Variants in TRIP12 observed in about 807,000 individuals in gnomAD.
TRIP12 encodes thyroid hormone receptor interactor 12.
In TRIP12, 25 loss-of-function variants were observed where a neutral mutation model predicts 244.2. The observed-to-expected ratio is 0.10, with a 90% CI of 0.07 to 0.14. The LOEUF is 0.14. Ranked by LOEUF, TRIP12 falls within the 10% of genes least tolerant of loss-of-function variation. The probability of loss-of-function intolerance (pLI) is 1.00; values close to 1 mark genes in which losing one functional copy is unlikely to be tolerated. For missense variants in TRIP12, 1,677 were observed against 2,486.4 expected (o/e 0.67, Z 6.92); for synonymous variants, 905 against 873.1 (o/e 1.04, Z -0.64).
At chr2:229,798,014 A>G (rs1403338004) in intron 23 of TRIP12, among the ~76,000 whole-genome samples, 183 bp from the exon 24 acceptor site, 1 of 152,246 alleles carries the variant, frequency 6.6e-6, no homozygotes, top group Non-Finnish European at 1.5e-5. Flanking sequence ...TACCACCTGG[A>G]GAACTGTTTA....
At chr2:229,888,756 T>C (rs1468371500) in intron 1 of TRIP12, among the ~76,000 whole-genome samples, 3 of 152,044 alleles carry the variant, frequency 2.0e-5, no homozygotes, top group Non-Finnish European at 4.4e-5. Flanking sequence ...CGAGCCAAGA[T>C]TGCGCCACTG....
At chr2:229,789,076 C>T (rs2040778595) in intron 31 of TRIP12, 136 bp from the exon 32 acceptor site, 1 of 750,748 alleles carries the variant, frequency 1.3e-6, no homozygotes. Context: ...CAACACACAG[C>T]CTCTCATTAC....
chr2:229,889,551 G>A (rs1381604564), intron 1 of TRIP12, among the ~76,000 whole-genome samples: 2 of 152,054 alleles, frequency 1.3e-5, no homozygotes, highest in Non-Finnish European at 2.9e-5. Flanking sequence ...CAATCCTGTT[G>A]GCTACCATCA....
chr2:229,800,242 GTTT>G (rs1042495169), intron 21 of TRIP12, among the ~76,000 whole-genome samples: 1 of 151,988 alleles, frequency 6.6e-6, no homozygotes, highest in Non-Finnish European at 1.5e-5. Flanking sequence ...ATTTTAGTTG[GTTT>G]TTTTAAACCT....
chr2:229,805,627 T>C (rs2045687272), intron 18 of TRIP12, 103 bp downstream of exon 18: 1 of 1,181,510 alleles, frequency 8.5e-7, no homozygotes, highest in East Asian at 2.5e-5. Flanking sequence ...TATGCAATTG[T>C]CTTAAGCTTA....
At chr2:229,806,091 C>T in intron 17 of TRIP12, 2 of 409,840 alleles carry the variant, frequency 4.9e-6, no homozygotes, top group Non-Finnish European at 8.7e-6. Flanking sequence ...AGGTTACATG[C>T]CTCAAGCCTT....
intron 1 of TRIP12, among the ~76,000 whole-genome samples, chr2:229,882,779 AAGTC>A (rs1310659801): frequency 3.3e-5 from 5 of 152,186 alleles, no homozygotes; most frequent in African/African-American, 1.2e-4. Flanking sequence ...AAATGAAACT[AAGTC>A]AGGCTAGTTG....
chr2:229,846,472 A>G (rs565133360), intron 4 of TRIP12, among the ~76,000 whole-genome samples: 49 of 152,252 alleles, frequency 3.2e-4, no homozygotes, highest in African/African-American at 1.2e-3. Context: ...GTTTTTTTAG[A>G]CACAATGCTA....
chr2:229,789,574 GA>G, intron 31 of TRIP12, 36 bp downstream of exon 31: 1 of 1,596,982 alleles, frequency 6.3e-7, no homozygotes, highest in Non-Finnish European at 8.5e-7. Context: ...ATCAATCACA[GA>G]CCATGAAAAC....
chr2:229,895,936 T>G (rs1170708619), intron 1 of TRIP12, among the ~76,000 whole-genome samples: 1 of 152,030 alleles, frequency 6.6e-6, no homozygotes, highest in African/African-American at 2.4e-5. Flanking sequence ...ACAGTGACCA[T>G]GATAGCACCA....
chr2:229,841,987 A>C (rs1366487654), intron 4 of TRIP12, among the ~76,000 whole-genome samples: 8 of 152,240 alleles, frequency 5.3e-5, no homozygotes, highest in Non-Finnish European at 7.3e-5. Flanking sequence ...TTTACAGCAG[A>C]CTTAAAAGGA....
At chr2:229,891,038 G>A (rs1282826226) in intron 1 of TRIP12, among the ~76,000 whole-genome samples, 1 of 152,200 alleles carries the variant, frequency 6.6e-6, no homozygotes, top group East Asian at 1.9e-4. Context: ...AGCACTATGG[G>A]AGGCCAAGGC....
At chr2:229,903,010 C>CTTTTTT (rs796575993) in intron 1 of TRIP12, among the ~76,000 whole-genome samples, 2 of 25,668 alleles carry the variant, frequency 7.8e-5, no homozygotes, top group African/African-American at 1.2e-4. Flanking sequence ...TTTTCTTTTT[C>CTTTTTT]TTTTTTTCTT....
At chr2:229,806,817 A>G (rs1436010649) in intron 17 of TRIP12, among the ~76,000 whole-genome samples, 1 of 152,214 alleles carries the variant, frequency 6.6e-6, no homozygotes, top group South Asian at 2.1e-4. Context: ...GAAACGAACT[A>G]GAAGGCACCT....
At chr2:229,811,829 A>C (rs559670173) in intron 13 of TRIP12, among the ~76,000 whole-genome samples, 2 of 152,306 alleles carry the variant, frequency 1.3e-5, no homozygotes, top group East Asian at 3.9e-4. Context: ...ATTTTTCCTA[A>C]CTTGAAAGTG....
In TRIP12 at chr2:229,765,024, A is replaced by G. The variant is rs1451160953; in HGVS notation, c.*2530T>C. The G allele has an allele frequency of 1.3e-5, 2 of 152,184 alleles. No individual in the cohort carries two copies. The highest frequency in any genetic ancestry group is 2.9e-5 in the Non-Finnish European group (2 of 68,022). The allele number at this position is 152,184 out of a possible 1,614,324, so 9.4% of individuals were successfully genotyped here. On this transcript the variant is annotated 3_prime_UTR_variant, in exon 42 of 42. Coordinates refer to ENST00000675903, the MANE Select transcript of TRIP12 (RefSeq NM_001348323.3). Reference sequence around the variant, plus strand: ...GTGTCTGCTCCCAATTAGTCTACCTAGAACTTACAGTTCAGTTTTCTGGGG... The same window carrying G: ...GTGTCTGCTCCCAATTAGTCTACCTGGAACTTACAGTTCAGTTTTCTGGGG...
At chr2:229,800,589 A>G (rs2044026535) in intron 21 of TRIP12, among the ~76,000 whole-genome samples, 1 of 152,240 alleles carries the variant, frequency 6.6e-6, no homozygotes, top group African/African-American at 2.4e-5. Flanking sequence ...AACAATTTTC[A>G]TTTAAAAAAA....
chr2:229,903,002 TTC>T (rs1386071424), intron 1 of TRIP12, among the ~76,000 whole-genome samples: 2 of 42,264 alleles, frequency 4.7e-5, no homozygotes, highest in African/African-American at 2.4e-4. Context: ...GGGTTTTTTT[TTC>T]TTTTTCTTTT....
chr2:229,878,789 A>G (rs960099898), intron 2 of TRIP12, among the ~76,000 whole-genome samples: 28 of 151,910 alleles, frequency 1.8e-4, no homozygotes, highest in African/African-American at 5.8e-4. Flanking sequence ...TCACCATGTT[A>G]GCCAGGATGG....
Sources: gnomAD v4.1 joint callset for allele counts (sites outside exome capture counted in the v4.1 genomes callset) on GRCh38, gnomAD v4.1.1 for gene constraint, MANE v1.5 for transcripts, NCBI Gene and HGNC (gene_info 2026-07-23, HGNC 2026-07-21) for gene names.